Variants in ARHGEF18 observed in about 807,000 individuals in gnomAD.
ARHGEF18 encodes the protein Rho/Rac guanine nucleotide exchange factor 18, also known as rho guanine nucleotide exchange factor 18.
In ARHGEF18, 93 loss-of-function variants were observed where a neutral mutation model predicts 155.7. The ratio of observed to expected loss-of-function variants is 0.60; its 90% CI spans 0.50 to 0.71. The LOEUF is 0.71. Ranked by LOEUF, ARHGEF18 falls within the 30% of genes least tolerant of loss-of-function variation. The pLI is 0.00. For missense variants in ARHGEF18, 1,593 were observed against 1,816.1 expected, an observed-to-expected ratio of 0.88 and a Z score of 2.23; for synonymous variants, 742 against 753.1, an observed-to-expected ratio of 0.99 and a Z score of 0.24.
downstream of ARHGEF18, among the ~76,000 whole-genome samples, chr19:7,473,551 C>T (rs367743533): frequency 3.0e-4 from 45 of 152,180 alleles, no homozygotes; most frequent in African/African-American, 1.0e-3. Context: ...GTGGCTCACG[C>T]GTGTAATCCC....
rs193005880 is a variant in ARHGEF18 at position 7,368,692 on chromosome 19, G to A, written c.16-4120G>A. On this transcript the variant is annotated intron_variant, in intron 2 of 28. Coordinates refer to ENST00000668164, the MANE Select transcript of ARHGEF18 (RefSeq NM_001367823.1). Reference sequence around the variant, plus strand: ...TGTCCTGACGTGTTTATATTTACAGGAGGATGAAAACCAGAGACACAAAAA... The same window carrying A: ...TGTCCTGACGTGTTTATATTTACAGAAGGATGAAAACCAGAGACACAAAAA... 4.7e-3 allele frequency among the ~76,000 whole-genome samples: 719 copies of A among 152,254 alleles called. 12 individuals carry two copies. Among genetic ancestry groups the A allele is most frequent in the African/African-American group, 0.017 (695 of 41,550 alleles).
rs115418329 is a variant in ARHGEF18 at position 7,395,940 on chromosome 19, C to T, written c.967+12737C>T. Among the ~76,000 whole-genome samples the T allele has an allele frequency of 9.4e-3, 1,433 of 151,650 alleles. 28 individuals are homozygous for T. Among genetic ancestry groups the T allele is most frequent in the African/African-American group, 0.033 (1,379 of 41,502 alleles). ...CTGAGGTTTGGGGTGTGACTGATCT[C>T]GTCACCCAGGTACTGAGCATAGTAC... is the stretch of plus-strand genomic sequence containing the variant. On this transcript the variant is annotated intron_variant, in intron 10 of 28. Coordinates refer to ENST00000668164, the MANE Select transcript of ARHGEF18 (RefSeq NM_001367823.1). This position sits in a 1 kb window ranked among gnomAD's most constrained non-coding sequence, Gnocchi z 5.0.
intron 5 of ARHGEF18, among the ~76,000 whole-genome samples, chr19:7,378,164 C>A (rs768887369): frequency 3.9e-5 from 6 of 152,140 alleles, no homozygotes; most frequent in Admixed American, 2.0e-4. Context: ...TGATCTCACA[C>A]ACGTAAAGCA....
intron 1 of ARHGEF18, among the ~76,000 whole-genome samples, chr19:7,359,888 C>T (rs1008988375): frequency 6.6e-6 from 1 of 152,174 alleles, no homozygotes; most frequent in African/African-American, 2.4e-5. Flanking sequence ...GGCACAGTGG[C>T]TCATGCCTGT....
downstream of ARHGEF18, among the ~76,000 whole-genome samples, chr19:7,474,062 G>A (rs1415483593): frequency 6.6e-6 from 1 of 151,978 alleles, no homozygotes; most frequent in Non-Finnish European, 1.5e-5. Flanking sequence ...AAAAGGGCTG[G>A]ACGCAGTGGC....
At chr19:7,458,440 G>C in intron 18 of ARHGEF18, 72 bp from the exon 19 acceptor site, 1 of 1,455,572 alleles carries the variant, frequency 6.9e-7, no homozygotes, top group Non-Finnish European at 9.4e-7. Flanking sequence ...CCCTCACCAG[G>C]CCCTTGACCT....
intron 10 of ARHGEF18, among the ~76,000 whole-genome samples, chr19:7,430,031 TAGAAAAG>T (rs1568326770): frequency 6.6e-6 from 1 of 151,652 alleles, no homozygotes; most frequent in East Asian, 1.9e-4. Flanking sequence ...ATTGCATAGA[TAGAAAAG>T]AGAATATTCA....
Position 7,458,674 on chromosome 19 carries a change from C to A in ARHGEF18, c.2344C>A (p.Gln782Lys). Residue 782 changes from glutamine (Q) to lysine (K), a missense_variant, in exon 19 of 29, where the codon CAA becomes AAA. Transcript: ENST00000668164. The part of the protein sequence containing the change: ...EDRNAWMAHI[Q>K]RAVESCPDEE... ...CAGGAACGCCTGGATGGCCCACATC[C>A]AAAGGGCTGTGGAGAGGTGAGGAGG... is the stretch of plus-strand genomic sequence containing the variant. 3 of 1,613,516 alleles carry A rather than the reference C, an allele frequency of 1.9e-6. No homozygotes were observed. The highest frequency in any genetic ancestry group is 1.7e-4 in the Middle Eastern group (1 of 5,802).
At chr19:7,360,063 G>A (rs1368832795) in intron 1 of ARHGEF18, among the ~76,000 whole-genome samples, 5 of 152,068 alleles carry the variant, frequency 3.3e-5, no homozygotes, top group East Asian at 3.9e-4. Context: ...TCTGAGACAG[G>A]AGAATCGCTT....
intron 10 of ARHGEF18, among the ~76,000 whole-genome samples, chr19:7,400,260 G>T (rs1971964699): frequency 1.3e-5 from 2 of 152,058 alleles, no homozygotes; most frequent in South Asian, 4.1e-4. Flanking sequence ...GTACCATTTG[G>T]TGTGTTTTAG....
intron 10 of ARHGEF18, among the ~76,000 whole-genome samples, chr19:7,419,399 C>T (rs1973221885): frequency 6.6e-6 from 1 of 151,220 alleles, no homozygotes; most frequent in South Asian, 2.1e-4. Context: ...CACCCACACT[C>T]AGCCCCTACA....
chr19:7,376,943 G>A lies in ARHGEF18; in HGVS notation c.541+186G>A, dbSNP rs886452139. Among the ~76,000 whole-genome samples the A allele has an allele frequency of 3.9e-5, 6 of 152,148 alleles. No individual in the cohort carries two copies. The East Asian group carries it at 7.7e-4, about 20-fold the overall frequency. On this transcript the variant is annotated intron_variant, in intron 5 of 28. Coordinates refer to ENST00000668164, the MANE Select transcript of ARHGEF18 (RefSeq NM_001367823.1). Reference sequence around the variant, plus strand: ...CCCCTGGGCAGGGACTGAGCAGAACGCTGGGGGAAGCCAGAGAGGGGAAGG... The same window carrying A: ...CCCCTGGGCAGGGACTGAGCAGAACACTGGGGGAAGCCAGAGAGGGGAAGG...
chr19:7,442,925 C>T (rs1974757574), intron 13 of ARHGEF18, among the ~76,000 whole-genome samples: 1 of 152,170 alleles, frequency 6.6e-6, no homozygotes, highest in South Asian at 2.1e-4. Context: ...GGGTCTTACT[C>T]TGTCACCCAG....
chr19:7,423,401 G>A (rs1463467744), intron 10 of ARHGEF18, among the ~76,000 whole-genome samples: 1 of 152,056 alleles, frequency 6.6e-6, no homozygotes, highest in African/African-American at 2.4e-5. Context: ...TCTCAGGGGA[G>A]CCTGGTCATT....
chr19:7,442,026 T>C lies in ARHGEF18; in HGVS notation c.1334T>C (p.Val445Ala). The C allele has an allele frequency of 6.2e-7, 1 of 1,613,750 alleles. No individual in the cohort carries two copies. The highest frequency in any genetic ancestry group is 8.5e-7 in the Non-Finnish European group (1 of 1,179,992). Residue 445 changes from valine (V) to alanine (A), a missense_variant, in exon 13 of 29, where the codon GTG becomes GCG. By Grantham distance (64) the Val-to-Ala change is moderately conservative. Coordinates refer to ENST00000668164, the MANE Select transcript of ARHGEF18 (RefSeq NM_001367823.1). ...AAYAKKQKREVVKRQDVLYEL... is the reference protein window; with the variant it reads ...AAYAKKQKREAVKRQDVLYEL... ...TACGCCAAGAAGCAAAAGAGGGAGG[T>C]GGTGAAAAGACAAGATGTCCTTTAT...
Position 7,462,740 on chromosome 19 carries a change from G to T in ARHGEF18, c.2635+406G>T, listed in dbSNP as rs12971762. 0.25 allele frequency among the ~76,000 whole-genome samples: 37,519 copies of T among 151,774 alleles called. 4,848 individuals carry two copies. Among genetic ancestry groups the T allele is most frequent in the African/African-American group, 0.31 (12,635 of 41,362 alleles). ...AAAACACACGCACACTCCCTCAGTGGGTCCCCACGCACAGCTCTAACACAG... is the reference window on the plus strand; with the variant it reads ...AAAACACACGCACACTCCCTCAGTGTGTCCCCACGCACAGCTCTAACACAG... On this transcript the variant is annotated intron_variant, in intron 21 of 28. Coordinates refer to ENST00000668164, the MANE Select transcript of ARHGEF18 (RefSeq NM_001367823.1). The surrounding 1 kb of genome is among the most constrained non-coding windows in gnomAD (Gnocchi z 4.4).
At chr19:7,377,197 A>G (rs1057444954) in intron 5 of ARHGEF18, among the ~76,000 whole-genome samples, 1 of 151,888 alleles carries the variant, frequency 6.6e-6, no homozygotes, top group African/African-American at 2.4e-5. Flanking sequence ...CAGCCTCCCA[A>G]GTAGCTGGGA....
intron 10 of ARHGEF18, among the ~76,000 whole-genome samples, chr19:7,420,655 T>G (rs1973298791): frequency 6.6e-6 from 1 of 152,232 alleles, no homozygotes. Context: ...GTTCATGAGT[T>G]ATGAGTTTAG....
intron 13 of ARHGEF18, among the ~76,000 whole-genome samples, chr19:7,443,055 A>ATTTTTTT (rs10600280): frequency 2.5e-5 from 2 of 81,184 alleles, no homozygotes; most frequent in Non-Finnish European, 4.4e-5. Flanking sequence ...TGCCCAGCTA[A>ATTTTTTT]TTTTTTTTTT....
Sources: gnomAD v4.1 joint callset for allele counts (sites outside exome capture counted in the v4.1 genomes callset) on GRCh38, gnomAD v4.1.1 for gene constraint, Gnocchi (gnomAD v3.1) non-coding constraint, MANE v1.5 for transcripts, NCBI Gene and HGNC (gene_info 2026-07-23, HGNC 2026-07-21) for gene names.